Variants in UNC80 observed in about 807,000 individuals in gnomAD.
UNC80 encodes unc-80 subunit of NALCN channel complex.
UNC80 carries 164 observed loss-of-function variants against 384.6 expected under a neutral mutation model. The ratio of observed to expected loss-of-function variants is 0.43; its 90% CI spans 0.38 to 0.49. The LOEUF (loss-of-function observed/expected upper bound fraction) is 0.49. UNC80 is among the 20% of genes least tolerant of loss of function. The pLI, the probability that UNC80 is intolerant of heterozygous loss-of-function variation, is 0.00. For synonymous variants in UNC80, 1,486 were observed against 1,527.8 expected (o/e 0.97, Z 0.64); for missense variants, 3,330 against 4,143.0 (o/e 0.80, Z 5.39).
intron 47 of UNC80, among the ~76,000 whole-genome samples, chr2:209,949,250 A>G (rs1575114187): frequency 6.6e-6 from 1 of 152,232 alleles, no homozygotes; most frequent in Non-Finnish European, 1.5e-5. Flanking sequence ...GTCATTCAAG[A>G]TAAACCAATT....
At chr2:209,985,780 C>T (rs1221252282) in intron 61 of UNC80, among the ~76,000 whole-genome samples, 1 of 152,150 alleles carries the variant, frequency 6.6e-6, no homozygotes, top group Admixed American at 6.6e-5. Flanking sequence ...TTCAGGTTTG[C>T]ACTATCTAGT....
At chr2:209,854,660 A>G (rs2082764090) in intron 22 of UNC80, among the ~76,000 whole-genome samples, 1 of 152,188 alleles carries the variant, frequency 6.6e-6, no homozygotes, top group African/African-American at 2.4e-5. Context: ...TTCTCAAAAG[A>G]AAACATTTAT....
chr2:209,793,567 C>T (rs1306746270), intron 6 of UNC80, among the ~76,000 whole-genome samples, 153 bp from the exon 7 acceptor site: 1 of 152,112 alleles, frequency 6.6e-6, no homozygotes, highest in Non-Finnish European at 1.5e-5. Flanking sequence ...AAGTCAAAAT[C>T]CCTTGGCCCA....
intron 25 of UNC80, 116 bp from the exon 26 acceptor site, chr2:209,887,979 G>C (rs962126876): frequency 1.3e-5 from 11 of 854,764 alleles, no homozygotes; most frequent in Admixed American, 2.9e-5. Context: ...TCAGATAAAG[G>C]AATCTGGCTG....
intron 18 of UNC80, among the ~76,000 whole-genome samples, chr2:209,838,690 G>T (rs561338245): frequency 6.6e-6 from 1 of 152,116 alleles, no homozygotes; most frequent in African/African-American, 2.4e-5. Context: ...GGCTGGGCAC[G>T]GTGGCTCATG....
At chr2:209,909,654 A>G (rs1205284317) in intron 29 of UNC80, among the ~76,000 whole-genome samples, 1 of 152,140 alleles carries the variant, frequency 6.6e-6, no homozygotes, top group Non-Finnish European at 1.5e-5. Context: ...TGGGCCAAAC[A>G]CCACAAGTGA....
At chr2:209,960,898 A>G (rs2092568074) in intron 51 of UNC80, 1 of 152,272 alleles carries the variant, frequency 6.6e-6, no homozygotes, top group African/African-American at 2.4e-5. Flanking sequence ...TGTCATAGCA[A>G]CTTAGGAATC....
chr2:209,894,649 G>T (rs1454592649), intron 27 of UNC80, among the ~76,000 whole-genome samples: 5 of 152,188 alleles, frequency 3.3e-5, no homozygotes, highest in African/African-American at 9.7e-5. Context: ...AAGCTTTCTG[G>T]TGGAGCCGAT....
chr2:209,943,467 T>C lies in UNC80; in HGVS notation c.7003T>C (p.Phe2335Leu). Reference sequence around the variant, plus strand: ...GTTCTATATTCTACACCGGAAGCCCTTTGTGCTCCAGCTGTTTGCTAGTGT... The same window carrying C: ...GTTCTATATTCTACACCGGAAGCCCCTTGTGCTCCAGCTGTTTGCTAGTGT... ...HQFYILHRKPFVLQLFASVAP... is the reference protein window; with the variant it reads ...HQFYILHRKPLVLQLFASVAP... The change falls in exon 45 of 65, where the codon TTT (phenylalanine) becomes CTT (leucine). Residue 2335 changes from phenylalanine to leucine, a missense_variant. Phe to Leu is a conservative substitution (Grantham distance 22). Coordinates refer to ENST00000673920, the MANE Select transcript of UNC80 (RefSeq NM_001371986.1). 1 of 1,552,012 alleles carries C rather than the reference T, an allele frequency of 6.4e-7. No individual in the cohort carries two copies.
At chr2:209,884,270 A>C (rs890085738) in intron 25 of UNC80, among the ~76,000 whole-genome samples, 3 of 152,244 alleles carry the variant, frequency 2.0e-5, no homozygotes, top group African/African-American at 7.2e-5. Flanking sequence ...ATGATGACTA[A>C]GCAACATGTA....
chr2:209,897,995 A>C (rs2086971211), intron 28 of UNC80, among the ~76,000 whole-genome samples: 1 of 152,140 alleles, frequency 6.6e-6, no homozygotes, highest in Non-Finnish European at 1.5e-5. Context: ...ATCAATATTC[A>C]AATTTATCAG....
At chr2:209,945,662 A>C (rs1290485357) in intron 46 of UNC80, among the ~76,000 whole-genome samples, 185 bp from the exon 47 acceptor site, 1 of 152,212 alleles carries the variant, frequency 6.6e-6, no homozygotes, top group Non-Finnish European at 1.5e-5. Context: ...TGATTGTTCA[A>C]AACTAGAAAA....
At chr2:209,850,879 C>T (rs1048129398) in intron 22 of UNC80, among the ~76,000 whole-genome samples, 69 of 152,072 alleles carry the variant, frequency 4.5e-4, no homozygotes, top group African/African-American at 1.5e-3. Flanking sequence ...GGCAAGGAGC[C>T]AATCCCCTGT....
chr2:209,813,191 T>C (rs987828967), intron 7 of UNC80, among the ~76,000 whole-genome samples: 5 of 152,214 alleles, frequency 3.3e-5, no homozygotes, highest in African/African-American at 1.2e-4. Flanking sequence ...TCTATTTCTA[T>C]AGCTCTCACT....
intron 35 of UNC80, among the ~76,000 whole-genome samples, chr2:209,926,619 TA>T (rs545126317): frequency 2.6e-5 from 4 of 151,900 alleles, no homozygotes; most frequent in African/African-American, 9.7e-5. Flanking sequence ...CTACAAAAAA[TA>T]AAAAAATTAG....
At chr2:209,911,120 C>A (rs367966410) in intron 29 of UNC80, among the ~76,000 whole-genome samples, 1 of 151,940 alleles carries the variant, frequency 6.6e-6, no homozygotes, top group Non-Finnish European at 1.5e-5. Context: ...CTTCACAGGG[C>A]GGCAGGAGAG....
chr2:209,949,724 C>T (rs571177292), intron 47 of UNC80, among the ~76,000 whole-genome samples: 5 of 152,148 alleles, frequency 3.3e-5, no homozygotes, highest in South Asian at 2.1e-4. Context: ...GCGATCCACC[C>T]GCCTTGGCCT....
chr2:209,896,594 T>C (rs2086817442), intron 28 of UNC80, among the ~76,000 whole-genome samples, 181 bp downstream of exon 28: 2 of 152,198 alleles, frequency 1.3e-5, no homozygotes, highest in South Asian at 4.1e-4. Flanking sequence ...TCTGCTGGAT[T>C]GTACTCATCT....
intron 5 of UNC80, among the ~76,000 whole-genome samples, chr2:209,788,719 C>G (rs2077612398): frequency 6.7e-6 from 1 of 150,118 alleles, no homozygotes; most frequent in African/African-American, 2.4e-5. Flanking sequence ...TTAAGCTAAG[C>G]CTATTACAAA....
Sources: allele counts gnomAD v4.1 joint callset (sites outside exome capture counted in the v4.1 genomes callset), GRCh38; gene constraint gnomAD v4.1.1; transcripts MANE v1.5; gene names NCBI Gene and HGNC (gene_info 2026-07-23, HGNC 2026-07-21).